The following MAN1A1 variants were observed in gnomAD, a reference collection of about 807,000 sequenced individuals.
MAN1A1 encodes mannosyl-oligosaccharide 1,2-alpha-mannosidase IA.
Under a neutral mutation model 70.8 loss-of-function variants are expected in MAN1A1, and 29 were observed. The ratio of observed to expected loss-of-function variants is 0.41; its 90% confidence interval spans 0.31 to 0.56. The LOEUF (loss-of-function observed/expected upper bound fraction) is 0.56, where lower values mean the gene tolerates loss of function less well. MAN1A1 is among the 20% of genes least tolerant of loss of function. The probability of loss-of-function intolerance (pLI) is 0.29; values close to 1 mark genes in which losing one functional copy is unlikely to be tolerated. For synonymous variants in MAN1A1, 349 were observed against 330.1 expected (o/e 1.06, Z -0.62); for missense variants, 747 against 841.3 (o/e 0.89, Z 1.39).
intron 2 of MAN1A1, among the ~76,000 whole-genome samples, chr6:119,332,348 G>A (rs1319762241): frequency 6.6e-6 from 1 of 152,100 alleles, no homozygotes; most frequent in Admixed American, 6.5e-5. Context: ...TCTATTAGGA[G>A]AAAAAGGGAA....
Position 119,290,685 on chromosome 6 carries a change from C to T in MAN1A1, c.895G>A (p.Glu299Lys), listed in dbSNP as rs1190725648. The T allele has an allele frequency of 2.5e-6, 4 of 1,604,798 alleles. No individual in the cohort carries two copies. The highest frequency in any genetic ancestry group is 3.4e-6 in the Non-Finnish European group (4 of 1,175,064). The change falls in exon 5 of 13, where the codon GAG becomes AAG. Residue 299 changes from glutamate (E) to lysine (K), a missense_variant and splice_region_variant. Physicochemically the swap from Glu to Lys is moderately conservative, Grantham distance 56. Coordinates refer to ENST00000368468, the MANE Select transcript of MAN1A1 (RefSeq NM_005907.4). ...LLSAYYLSGEEIFRKKAVELG... is the reference protein window; with the variant it reads ...LLSAYYLSGEKIFRKKAVELG... ...TTATATACCACTTTTCATCTTACCT[C>T]TTCTCCAGACAGATAGTAGGCTGAG...
chr6:119,304,021 A>T (rs1772467345), intron 3 of MAN1A1, among the ~76,000 whole-genome samples: 1 of 152,218 alleles, frequency 6.6e-6, no homozygotes, highest in Non-Finnish European at 1.5e-5. Context: ...CTGCTGAAAG[A>T]CTGGGCACTA....
chr6:119,221,315 T>C (rs1303472879), intron 6 of MAN1A1, among the ~76,000 whole-genome samples: 1 of 152,170 alleles, frequency 6.6e-6, no homozygotes, highest in Non-Finnish European at 1.5e-5. Context: ...TCTCCACAGA[T>C]AACCACTGTT....
intron 5 of MAN1A1, among the ~76,000 whole-genome samples, chr6:119,261,276 G>A (rs1434783364): frequency 6.6e-6 from 1 of 152,098 alleles, no homozygotes; most frequent in Non-Finnish European, 1.5e-5. Flanking sequence ...ACTGCGCCCC[G>A]CCTATTGCTT....
chr6:119,287,865 T>G (rs1487168973), intron 5 of MAN1A1, among the ~76,000 whole-genome samples: 1 of 152,040 alleles, frequency 6.6e-6, no homozygotes, highest in African/African-American at 2.4e-5. Context: ...TTAATACTGA[T>G]TCTTCCTATT....
At chr6:119,197,763 G>T (rs1198609235) in intron 8 of MAN1A1, among the ~76,000 whole-genome samples, 1 of 152,080 alleles carries the variant, frequency 6.6e-6, no homozygotes, top group Non-Finnish European at 1.5e-5. Context: ...GTTGGGGCAG[G>T]AGAGAGAGCT....
At chr6:119,304,367 C>A (rs1307867347) in intron 3 of MAN1A1, among the ~76,000 whole-genome samples, 2 of 152,110 alleles carry the variant, frequency 1.3e-5, no homozygotes, top group African/African-American at 4.8e-5. Flanking sequence ...AATATATCAG[C>A]TTCATATTTT....
intron 11 of MAN1A1, among the ~76,000 whole-genome samples, chr6:119,186,170 T>C (rs906859126): frequency 2.6e-5 from 4 of 152,138 alleles, no homozygotes; most frequent in African/African-American, 9.7e-5. Flanking sequence ...ATATTACCAA[T>C]TGGAATGAGT....
At chr6:119,242,516 T>C (rs1775040199) in intron 6 of MAN1A1, among the ~76,000 whole-genome samples, 2 of 152,136 alleles carry the variant, frequency 1.3e-5, no homozygotes, top group Non-Finnish European at 1.5e-5. Context: ...AATGAAATGA[T>C]GTCCACGAAA....
Position 119,319,016 on chromosome 6 carries a change from C to T in MAN1A1, c.604-12024G>A, listed in dbSNP as rs3798643. 5.9e-3 allele frequency among the ~76,000 whole-genome samples: 897 copies of T among 152,236 alleles called. 31 individuals are homozygous for T. In the East Asian group the frequency reaches 0.09, roughly 15 times the overall value. ...CACTAAATGGCAATATCAGATTTCTCATTAAACACATGCAGAAAAAAAGTA... is the reference window on the plus strand; with the variant it reads ...CACTAAATGGCAATATCAGATTTCTTATTAAACACATGCAGAAAAAAAGTA... On this transcript the variant is annotated intron_variant, in intron 2 of 12. Coordinates refer to ENST00000368468, the MANE Select transcript of MAN1A1 (RefSeq NM_005907.4).
intron 2 of MAN1A1, among the ~76,000 whole-genome samples, chr6:119,344,939 C>T (rs1415215867): frequency 6.6e-6 from 1 of 152,052 alleles, no homozygotes; most frequent in Non-Finnish European, 1.5e-5. Context: ...GGTGCAGGGT[C>T]CTAAAGCCTT....
chr6:119,347,099 T>A (rs116199021), intron 2 of MAN1A1, among the ~76,000 whole-genome samples: 106 of 152,360 alleles, frequency 7.0e-4, no homozygotes, highest in African/African-American at 2.5e-3. Flanking sequence ...GCTGATGGAC[T>A]GTGGAAGGAA....
At chr6:119,219,124 A>T (rs1278078395) in intron 6 of MAN1A1, among the ~76,000 whole-genome samples, 1 of 152,174 alleles carries the variant, frequency 6.6e-6, no homozygotes, top group East Asian at 1.9e-4. Context: ...CTGTATTCTG[A>T]AGTTAATTTT....
At chr6:119,281,219 A>G (rs1326461934) in intron 5 of MAN1A1, among the ~76,000 whole-genome samples, 1 of 152,172 alleles carries the variant, frequency 6.6e-6, no homozygotes, top group Non-Finnish European at 1.5e-5. Flanking sequence ...GTGCCACTTT[A>G]TTGAAGGGTT....
intron 6 of MAN1A1, among the ~76,000 whole-genome samples, chr6:119,247,203 G>A (rs1775190443): frequency 6.6e-6 from 1 of 152,182 alleles, no homozygotes; most frequent in South Asian, 2.1e-4. Context: ...ACCATGCTAT[G>A]CATTCTCTTG....
In MAN1A1 at chr6:119,252,007, A is replaced by C. The variant is rs1050612783; in HGVS notation, c.898-3653T>G. Among the ~76,000 whole-genome samples the C allele has an allele frequency of 2.0e-5, 3 of 152,104 alleles. No homozygotes were observed. The South Asian group carries it at 6.2e-4, about 31-fold the overall frequency. ...CTAACCACCCCACACAAAGTTGGCC[A>C]TCCTTATTTATTATATCACCTTGTT... On this transcript the variant is annotated intron_variant, in intron 5 of 12. Transcript: ENST00000368468.
At chr6:119,189,235 C>T (rs777891151) in intron 10 of MAN1A1, among the ~76,000 whole-genome samples, 6 of 152,138 alleles carry the variant, frequency 3.9e-5, no homozygotes, top group Admixed American at 1.3e-4. Flanking sequence ...TAAGTAATTT[C>T]GTAACAGAAG....
rs771196743 is a variant in MAN1A1, at chr6:119,189,858, T to C, written c.1352A>G (p.Lys451Arg). The change falls in exon 10 of 13, where the codon AAG (lysine) becomes AGG (arginine). Residue 451 changes from lysine (K) to arginine (R), a missense_variant. Around this residue, in one of 2 missense-constraint regions of MAN1A1, gnomAD observed 419 missense variants for 548.2 expected, o/e 0.76. Transcript: ENST00000368468. ...VQAIETHLIRKSSSGLTYIAE... is the reference protein window; with the variant it reads ...VQAIETHLIRRSSSGLTYIAE... Reference sequence around the variant, plus strand: ...GATATAAGTTAGTCCGCTGCTAGACTTGCGGATCAAATGAGTCTCGATAGC... The same window carrying C: ...GATATAAGTTAGTCCGCTGCTAGACCTGCGGATCAAATGAGTCTCGATAGC... 1.2e-6 allele frequency: 2 copies of C among 1,614,052 alleles called. No individual in the cohort carries two copies. The highest frequency in any genetic ancestry group is 2.2e-5 in the East Asian group (1 of 44,854).
At chr6:119,333,034 C>T (rs1773359942) in intron 2 of MAN1A1, among the ~76,000 whole-genome samples, 1 of 152,056 alleles carries the variant, frequency 6.6e-6, no homozygotes, top group Non-Finnish European at 1.5e-5. Context: ...AGGAAGAACC[C>T]TCCCTCCCTG....
Sources: gnomAD v4.1 joint callset for allele counts (sites outside exome capture counted in the v4.1 genomes callset) on GRCh38, gnomAD v4.1.1 for gene constraint, gnomAD v4.1.1 regional missense constraint, MANE v1.5 for transcripts, NCBI Gene and HGNC (gene_info 2026-07-23, HGNC 2026-07-21) for gene names.